The following PDHX variants were observed in gnomAD, a reference collection of about 807,000 sequenced individuals.
PDHX encodes pyruvate dehydrogenase protein X component, mitochondrial.
PDHX carries 33 observed loss-of-function variants against 55.3 expected under a neutral mutation model. That is an observed-to-expected ratio of 0.60 (90% CI 0.45 to 0.80). PDHX has a LOEUF of 0.80. PDHX is among the 30% of genes least tolerant of loss of function. The pLI, the probability that PDHX is intolerant of heterozygous loss-of-function variation, is 0.00. For synonymous variants in PDHX, 226 were observed against 219.4 expected, an observed-to-expected ratio of 1.03 and a Z score of -0.27; for missense variants, 622 against 619.9, an observed-to-expected ratio of 1.00 and a Z score of -0.04.
At chr11:34,960,759 T>G (rs1050098576) in intron 5 of PDHX, among the ~76,000 whole-genome samples, 2 of 152,182 alleles carry the variant, frequency 1.3e-5, no homozygotes, top group Admixed American at 6.5e-5. Context: ...TCCTTAGAAG[T>G]GGTAATAAAT....
chr11:34,941,140 T>G (rs1265478737), intron 2 of PDHX, among the ~76,000 whole-genome samples: 1 of 152,198 alleles, frequency 6.6e-6, no homozygotes, highest in East Asian at 1.9e-4. Flanking sequence ...CAAACTCTCC[T>G]ACTCATGCCT....
intron 5 of PDHX, among the ~76,000 whole-genome samples, chr11:34,962,563 T>C (rs1855040045): frequency 6.6e-6 from 1 of 152,116 alleles, no homozygotes. Flanking sequence ...TCTCAGGAGA[T>C]AGTTGGGGAT....
chr11:34,989,747 C>G (rs1432803415), intron 9 of PDHX, among the ~76,000 whole-genome samples: 2 of 152,118 alleles, frequency 1.3e-5, no homozygotes, highest in Non-Finnish European at 2.9e-5. Flanking sequence ...CTCTTTATCT[C>G]ATTACCCTGT....
intron 9 of PDHX, among the ~76,000 whole-genome samples, chr11:34,991,906 CA>C (rs1169109545): frequency 5.8e-3 from 217 of 37,296 alleles, no homozygotes; most frequent in South Asian, 0.029. Flanking sequence ...TGAGACTTCT[CA>C]AAAAAAAAAA....
In PDHX at chr11:34,957,384, G is replaced by A. The variant is rs762712381; in HGVS notation, c.343G>A (p.Val115Ile). The change falls in exon 4 of 11, where the codon GTT becomes ATT. Residue 115 changes from valine (V) to isoleucine (I), a missense_variant and splice_region_variant. Transcript: ENST00000227868. Reference sequence around the variant, plus strand: ...ACAGTTACTTCTTTTTTAAATATAGGTTGAAGAAGGAAGTAAAAATATACG... The same window carrying A: ...ACAGTTACTTCTTTTTTAAATATAGATTGAAGAAGGAAGTAAAAATATACG... ...SDDGILAKIV[V>I]EEGSKNIRLG... 1.3e-6 allele frequency: 2 copies of A among 1,583,630 alleles called. No homozygotes were observed. Among genetic ancestry groups the A allele is most frequent in the African/African-American group, 2.7e-5 (2 of 74,266 alleles).
At chr11:34,984,129 G>A (rs1262242642) in intron 8 of PDHX, among the ~76,000 whole-genome samples, 1 of 152,144 alleles carries the variant, frequency 6.6e-6, no homozygotes. Flanking sequence ...CATGTATTGA[G>A]GGCCTGCTGA....
At chr11:34,984,756 A>G (rs756844370) in intron 9 of PDHX, 28 bp downstream of exon 9, 2 of 1,605,402 alleles carry the variant, frequency 1.2e-6, no homozygotes, top group South Asian at 2.2e-5. Context: ...GTGTGCTTTC[A>G]AAATGTTAGC....
chr11:34,951,815 G>C lies in PDHX; in HGVS notation c.342+4209G>C, dbSNP rs561520528. On this transcript the variant is annotated intron_variant, in intron 3 of 10. Coordinates refer to ENST00000227868, the MANE Select transcript of PDHX (RefSeq NM_003477.3). ...GGTAATGCCTAGGTTTTCTTCTAGGGTTTTTATGGTTTTAGGTCTAACGTT... is the reference window on the plus strand; with the variant it reads ...GGTAATGCCTAGGTTTTCTTCTAGGCTTTTTATGGTTTTAGGTCTAACGTT... Among the ~76,000 whole-genome samples the C allele has an allele frequency of 3.9e-5, 6 of 152,224 alleles. No homozygotes were observed. In the South Asian group the frequency reaches 1.2e-3, roughly 32 times the overall value.
At chr11:34,985,947 C>A (rs1855632710) in intron 9 of PDHX, among the ~76,000 whole-genome samples, 1 of 152,122 alleles carries the variant, frequency 6.6e-6, no homozygotes, top group Non-Finnish European at 1.5e-5. Context: ...ATTTTTAGGT[C>A]TTTCTTCCCT....
chr11:34,918,342 C>G (rs923762358), intron 1 of PDHX, among the ~76,000 whole-genome samples: 1 of 151,694 alleles, frequency 6.6e-6, no homozygotes, highest in African/African-American at 2.4e-5. Context: ...GGGGCTGAGG[C>G]AGGAGGATCC....
chr11:34,965,623 A>G (rs1353749283), intron 5 of PDHX, among the ~76,000 whole-genome samples: 1 of 152,134 alleles, frequency 6.6e-6, no homozygotes, highest in Non-Finnish European at 1.5e-5. Flanking sequence ...GAGGGATGAT[A>G]TGGGGCATGT....
chr11:34,920,671 C>T (rs1853856340), intron 1 of PDHX, among the ~76,000 whole-genome samples: 1 of 152,140 alleles, frequency 6.6e-6, no homozygotes, highest in Non-Finnish European at 1.5e-5. Context: ...TACTTTGTCA[C>T]TATGCCGCCT....
intron 6 of PDHX, among the ~76,000 whole-genome samples, chr11:34,967,183 A>G (rs1855156555): frequency 6.6e-6 from 1 of 152,140 alleles, no homozygotes; most frequent in South Asian, 2.1e-4. Flanking sequence ...CAAGTGTGAG[A>G]GAGAAAATAA....
chr11:34,917,401 A>G (rs1853756040), intron 1 of PDHX, among the ~76,000 whole-genome samples: 1 of 152,224 alleles, frequency 6.6e-6, no homozygotes, highest in Non-Finnish European at 1.5e-5. Flanking sequence ...CATTTAGGAG[A>G]TAAATCATAC....
intron 9 of PDHX, among the ~76,000 whole-genome samples, chr11:34,987,081 C>G (rs2134000819): frequency 6.6e-6 from 1 of 152,308 alleles, no homozygotes; most frequent in African/African-American, 2.4e-5. Context: ...GACTAGTTAA[C>G]CCAGGCAGTT....
Position 34,966,827 on chromosome 11 carries a change from A to C in PDHX, c.816+13A>C. 1 of 1,606,978 alleles carries C rather than the reference A, an allele frequency of 6.2e-7. No homozygotes were observed. The highest frequency in any genetic ancestry group is 8.5e-7 in the Non-Finnish European group (1 of 1,173,824). On this transcript the variant is annotated intron_variant, in intron 6 of 10. Coordinates refer to ENST00000227868, the MANE Select transcript of PDHX (RefSeq NM_003477.3). The stretch of plus-strand genomic sequence containing the variant: ...ACCCAATGCAGTGGTAGTGTTCTCT[A>C]AGTGGATTTTTATTTCTTTTTCTTG...
chr11:34,945,213 C>T (rs1054048413), intron 2 of PDHX, among the ~76,000 whole-genome samples: 2 of 152,114 alleles, frequency 1.3e-5, no homozygotes, highest in African/African-American at 4.8e-5. Flanking sequence ...CATGCCTTAC[C>T]ATCTAAACAT....
At chr11:34,928,610 G>T (rs1207073771) in intron 1 of PDHX, among the ~76,000 whole-genome samples, 2 of 152,070 alleles carry the variant, frequency 1.3e-5, no homozygotes, top group Non-Finnish European at 2.9e-5. Flanking sequence ...AAAGGCAGTA[G>T]ACACACCACA....
chr11:34,988,730 TG>T (rs1452655287), intron 9 of PDHX, among the ~76,000 whole-genome samples: 2 of 152,200 alleles, frequency 1.3e-5, no homozygotes, highest in Non-Finnish European at 2.9e-5. Flanking sequence ...ACCAATCTTT[TG>T]GTTTGGAATT....
Sources: gnomAD v4.1 joint callset for allele counts (sites outside exome capture counted in the v4.1 genomes callset) on GRCh38, gnomAD v4.1.1 for gene constraint, MANE v1.5 for transcripts, NCBI Gene and HGNC (gene_info 2026-07-23, HGNC 2026-07-21) for gene names.